CLSTN2: variants seen among roughly 807,000 people sequenced by gnomAD.
CLSTN2 encodes calsyntenin-2.
CLSTN2 carries 48 observed loss-of-function variants against 101.2 expected under a neutral mutation model. The ratio of observed to expected loss-of-function variants is 0.47; its 90% CI spans 0.38 to 0.60. The LOEUF (loss-of-function observed/expected upper bound fraction) is 0.60. CLSTN2 is among the 20% of genes least tolerant of loss of function. The pLI, the probability that CLSTN2 is intolerant of heterozygous loss-of-function variation, is 0.00. For missense variants in CLSTN2, 1,160 were observed against 1,238.2 expected (o/e 0.94, Z 0.95); for synonymous variants, 481 against 463.6 (o/e 1.04, Z -0.48).
intron 2 of CLSTN2, among the ~76,000 whole-genome samples, chr3:140,217,816 C>T (rs1057355366): frequency 6.6e-6 from 1 of 152,124 alleles, no homozygotes; most frequent in Non-Finnish European, 1.5e-5. Context: ...TCAAAAAATG[C>T]CAGGTGCAGA....
At chr3:140,487,460 C>T (rs1284990200) in intron 8 of CLSTN2, among the ~76,000 whole-genome samples, 1 of 152,218 alleles carries the variant, frequency 6.6e-6, no homozygotes, top group Non-Finnish European at 1.5e-5. Context: ...GTTTGACCTC[C>T]CCTTCTCTGT....
chr3:140,052,053 T>G (rs2008007308), intron 1 of CLSTN2, among the ~76,000 whole-genome samples: 1 of 152,236 alleles, frequency 6.6e-6, no homozygotes, highest in African/African-American at 2.4e-5. Context: ...TGAGATCAAT[T>G]GGTCCAGAGT....
intron 4 of CLSTN2, among the ~76,000 whole-genome samples, chr3:140,418,513 C>CTTTTTTTTT (rs1051422077): frequency 1.4e-4 from 6 of 42,126 alleles, no homozygotes; most frequent in Admixed American, 2.0e-4. Context: ...TTCTTTCTTT[C>CTTTTTTTTT]TTTCTTTTTT....
intron 1 of CLSTN2, among the ~76,000 whole-genome samples, chr3:140,021,602 G>C (rs1213498490): frequency 6.6e-6 from 1 of 152,072 alleles, no homozygotes; most frequent in African/African-American, 2.4e-5. Flanking sequence ...GGGTTGGTTT[G>C]TAATTTATGC....
intron 8 of CLSTN2, among the ~76,000 whole-genome samples, chr3:140,499,176 T>A (rs76416692): frequency 0.039 from 5,892 of 152,252 alleles, 257 homozygotes; most frequent in African/African-American, 0.1. Context: ...ATAATTCATA[T>A]ACCTGACTCT....
chr3:139,976,434 T>C (rs1159290987), intron 1 of CLSTN2, among the ~76,000 whole-genome samples: 1 of 152,236 alleles, frequency 6.6e-6, no homozygotes, highest in East Asian at 1.9e-4. Context: ...TTCAGAGAAT[T>C]CATCAAACAA....
intron 1 of CLSTN2, among the ~76,000 whole-genome samples, chr3:140,080,176 C>T (rs1297649571): frequency 4.6e-5 from 7 of 152,134 alleles, no homozygotes; most frequent in Non-Finnish European, 2.9e-5. Flanking sequence ...CCTGAGAAAC[C>T]AACATTGAAC....
At chr3:140,040,832 G>A in intron 1 of CLSTN2, among the ~76,000 whole-genome samples, 1 of 152,090 alleles carries the variant, frequency 6.6e-6, no homozygotes, top group Middle Eastern at 3.2e-3. Context: ...GAAGGGGAGA[G>A]GGTATTTTTC....
At chr3:140,262,913 A>C (rs922782646) in intron 2 of CLSTN2, among the ~76,000 whole-genome samples, 1 of 152,126 alleles carries the variant, frequency 6.6e-6, no homozygotes, top group Non-Finnish European at 1.5e-5. Context: ...GATCACTGGG[A>C]GGTCAATGGA....
At chr3:140,543,753 C>A (rs1418298977) in intron 9 of CLSTN2, among the ~76,000 whole-genome samples, 1 of 152,214 alleles carries the variant, frequency 6.6e-6, no homozygotes, top group African/African-American at 2.4e-5. Context: ...GTTCCAGAAA[C>A]TTTCAGAAGA....
At chr3:140,056,065 AC>A (rs1438301930) in intron 1 of CLSTN2, among the ~76,000 whole-genome samples, 4 of 152,062 alleles carry the variant, frequency 2.6e-5, no homozygotes, top group African/African-American at 9.7e-5. Flanking sequence ...GAGGGGGCCT[AC>A]TCTGGAGGGG....
chr3:140,082,283 CTA>C (rs1268080748), intron 1 of CLSTN2, among the ~76,000 whole-genome samples: 1 of 152,160 alleles, frequency 6.6e-6, no homozygotes, highest in Admixed American at 6.5e-5. Flanking sequence ...CCCTTCTCTC[CTA>C]TTCCTTGAAT....
rs1029612941 is a variant in CLSTN2, at chr3:140,500,062, G to A, written c.1345-32262G>A. ...AGTCTGGGTGACAGAGCGCGACTCC[G>A]TCTCAAAAAAAAAAAAAAGTTCTCA... On this transcript the variant is annotated intron_variant, in intron 8 of 16. Transcript: ENST00000458420. Among the ~76,000 whole-genome samples, 16 of 147,140 alleles carry A rather than the reference G, an allele frequency of 1.1e-4. No individual in the cohort carries two copies. In the East Asian group the frequency reaches 2.4e-3, roughly 22 times the overall value.
At chr3:140,394,374 T>G (rs1199818286) in intron 2 of CLSTN2, among the ~76,000 whole-genome samples, 1 of 152,184 alleles carries the variant, frequency 6.6e-6, no homozygotes, top group Non-Finnish European at 1.5e-5. Context: ...TATCTTAAAA[T>G]AGAAGCACTG....
intron 8 of CLSTN2, among the ~76,000 whole-genome samples, chr3:140,531,457 G>T (rs1935253289): frequency 6.6e-6 from 1 of 152,118 alleles, no homozygotes; most frequent in African/African-American, 2.4e-5. Context: ...CTCACCTTGG[G>T]GTCACCTTCA....
At chr3:140,377,257 GCA>G (rs2087927587) in intron 2 of CLSTN2, among the ~76,000 whole-genome samples, 1 of 152,166 alleles carries the variant, frequency 6.6e-6, no homozygotes, top group African/African-American at 2.4e-5. Flanking sequence ...TAAAAGTATA[GCA>G]CACACAGAAG....
At chr3:140,378,629 A>G (rs1479857) in intron 2 of CLSTN2, among the ~76,000 whole-genome samples, 145,643 of 152,224 alleles carry the variant, frequency 0.96, 69,992 homozygotes, top group East Asian at 1. Context: ...GAACTTGGCC[A>G]TGGAGAAAGC....
At chr3:140,225,442 T>A (rs536184463) in intron 2 of CLSTN2, among the ~76,000 whole-genome samples, 12 of 152,366 alleles carry the variant, frequency 7.9e-5, no homozygotes, top group Non-Finnish European at 1.2e-4. Context: ...TAGTGCAGCA[T>A]AAAGTTCAAA....
At chr3:139,998,257 G>A (rs1256494884) in intron 1 of CLSTN2, among the ~76,000 whole-genome samples, 3 of 150,762 alleles carry the variant, frequency 2.0e-5, no homozygotes, top group Non-Finnish European at 2.9e-5. Flanking sequence ...CCTGCCAATA[G>A]GAGAACTGGA....
Sources: allele counts gnomAD v4.1 joint callset (sites outside exome capture counted in the v4.1 genomes callset), GRCh38; gene constraint gnomAD v4.1.1; transcripts MANE v1.5; gene names NCBI Gene and HGNC (gene_info 2026-07-23, HGNC 2026-07-21).